RPH3A: variants seen among roughly 807,000 people sequenced by gnomAD.
The protein encoded by RPH3A is rabphilin-3A.
RPH3A carries 48 observed loss-of-function variants against 102.2 expected under a neutral mutation model. The observed-to-expected ratio is 0.47, with a 90% CI of 0.37 to 0.60. The LOEUF (loss-of-function observed/expected upper bound fraction) is 0.60. Ranked by LOEUF, RPH3A falls within the 20% of genes least tolerant of loss-of-function variation. RPH3A has a pLI of 0.00. For synonymous variants in RPH3A, 310 were observed against 324.3 expected, an observed-to-expected ratio of 0.96 and a Z score of 0.47; for missense variants, 781 against 910.1, an observed-to-expected ratio of 0.86 and a Z score of 1.83.
chr12:112,807,233 A>G (rs891992159), intron 2 of RPH3A, among the ~76,000 whole-genome samples: 1 of 152,152 alleles, frequency 6.6e-6, no homozygotes, highest in Non-Finnish European at 1.5e-5. Context: ...CAGGGTTCAC[A>G]TGAAGGCAAG....
intron 10 of RPH3A, 52 bp from the exon 11 acceptor site, chr12:112,875,032 T>C: frequency 1.1e-6 from 1 of 949,990 alleles, no homozygotes; most frequent in East Asian, 3.6e-5. Flanking sequence ...TCCTTCCTGC[T>C]GTGTGTGTGT....
chr12:112,800,125 G>A (rs559271320), intron 2 of RPH3A, among the ~76,000 whole-genome samples: 2 of 152,284 alleles, frequency 1.3e-5, no homozygotes, highest in African/African-American at 2.4e-5. Flanking sequence ...ACTCCAGACC[G>A]CGTGAAGTGC....
chr12:112,884,433 A>G (rs1302968531), intron 16 of RPH3A, among the ~76,000 whole-genome samples: 1 of 152,192 alleles, frequency 6.6e-6, no homozygotes, highest in African/African-American at 2.4e-5. Flanking sequence ...CTTCATAATT[A>G]TGTATCTATA....
intron 21 of RPH3A, 40 bp from the exon 22 acceptor site, chr12:112,896,610 A>G (rs1203135841): frequency 3.7e-6 from 6 of 1,612,964 alleles, no homozygotes; most frequent in Middle Eastern, 1.7e-4. Flanking sequence ...AACGACCTCT[A>G]TTCTGACCAC....
intron 1 of RPH3A, among the ~76,000 whole-genome samples, chr12:112,717,247 C>A (rs978175858): frequency 6.6e-6 from 1 of 152,178 alleles, no homozygotes; most frequent in East Asian, 1.9e-4. Context: ...TGCATAGTGA[C>A]GTAACCACTA....
At chr12:112,651,091 G>C (rs1044382855) in intron 1 of RPH3A, among the ~76,000 whole-genome samples, 1 of 151,534 alleles carries the variant, frequency 6.6e-6, no homozygotes, top group Admixed American at 6.6e-5. Flanking sequence ...CTGGTGTGGT[G>C]ACTCATGTCT....
At chr12:112,777,516 G>T (rs1719460825) in intron 1 of RPH3A, among the ~76,000 whole-genome samples, 1 of 152,220 alleles carries the variant, frequency 6.6e-6, no homozygotes, top group African/African-American at 2.4e-5. Flanking sequence ...TCTATTTAAA[G>T]AACACGTAGG....
At chr12:112,576,494 CA>C (rs1343508235) in intron 1 of RPH3A, among the ~76,000 whole-genome samples, 2 of 152,328 alleles carry the variant, frequency 1.3e-5, no homozygotes, top group Middle Eastern at 3.4e-3. Context: ...GCTGGTATTA[CA>C]AGCTTCAGCC....
intron 1 of RPH3A, among the ~76,000 whole-genome samples, chr12:112,600,339 T>C (rs1481837635): frequency 6.6e-6 from 1 of 152,198 alleles, no homozygotes; most frequent in Non-Finnish European, 1.5e-5. Flanking sequence ...AAATGGTTCA[T>C]TATTACCGAT....
chr12:112,869,600 C>A, intron 8 of RPH3A, 159 bp from the exon 9 acceptor site: 1 of 683,378 alleles, frequency 1.5e-6, no homozygotes, highest in South Asian at 2.0e-5. Context: ...AAATTGTAAA[C>A]AGGAGCTAGA....
chr12:112,865,719 C>T, intron 6 of RPH3A, 176 bp downstream of exon 6: 1 of 597,154 alleles, frequency 1.7e-6, no homozygotes, highest in Admixed American at 3.6e-5. Flanking sequence ...TCCAACGTAA[C>T]CCTGATCCTG....
chr12:112,624,726 T>A (rs2039759042), intron 1 of RPH3A, among the ~76,000 whole-genome samples: 1 of 120,056 alleles, frequency 8.3e-6, no homozygotes, highest in African/African-American at 3.4e-5. Context: ...ATCATTCTGA[T>A]ACCAAAGCCG....
intron 1 of RPH3A, among the ~76,000 whole-genome samples, chr12:112,614,118 C>A (rs1281783573): frequency 1.3e-5 from 2 of 152,148 alleles, no homozygotes; most frequent in Non-Finnish European, 2.9e-5. Context: ...CTAGAAGGAA[C>A]CAGCTCCCCT....
chr12:112,861,499 C>T (rs115777904), intron 5 of RPH3A, among the ~76,000 whole-genome samples: 133 of 152,282 alleles, frequency 8.7e-4, no homozygotes, highest in African/African-American at 2.7e-3. Flanking sequence ...AGGCGATCCC[C>T]GTGGCTGTAC....
At chr12:112,861,830 A>G (rs1327673877) in intron 5 of RPH3A, among the ~76,000 whole-genome samples, 3 of 152,030 alleles carry the variant, frequency 2.0e-5, no homozygotes, top group South Asian at 4.2e-4. Flanking sequence ...TGGGTAGCAC[A>G]GTGAAACCCC....
rs1241531492 is a variant in RPH3A, at chr12:112,868,446, G to T, written c.461G>T (p.Gly154Val). 1 of 1,613,970 alleles carries T rather than the reference G, an allele frequency of 6.2e-7. No homozygotes were observed. The highest frequency in any genetic ancestry group is 8.5e-7 in the Non-Finnish European group (1 of 1,180,002). ...IEQREVWKRS[G>V]AWFFKGFPKQ... ...CTCCCCAAGGTGTGGAAGCGTTCTG[G>T]AGCGTGGTTCTTCAAAGGCTTCCCC... is the stretch of plus-strand genomic sequence containing the variant. Residue 154 changes from glycine (G) to valine (V), a missense_variant, in exon 8 of 22, where the codon GGA becomes GTA. Around this residue, in one of 2 missense-constraint regions of RPH3A, gnomAD observed 730 missense variants for 810.0 expected, o/e 0.90. Transcript: ENST00000389385.
intron 1 of RPH3A, among the ~76,000 whole-genome samples, chr12:112,784,141 G>A (rs2041027845): frequency 6.6e-6 from 1 of 152,128 alleles, no homozygotes; most frequent in Non-Finnish European, 1.5e-5. Context: ...ATAAAGCTGG[G>A]GTGGCGGTGG....
intron 5 of RPH3A, among the ~76,000 whole-genome samples, chr12:112,848,741 G>A (rs2042273488): frequency 6.6e-6 from 1 of 152,130 alleles, no homozygotes. Context: ...GTGGAAGAGA[G>A]TGACAAAATC....
chr12:112,888,430 T>C (rs956549616), intron 17 of RPH3A, among the ~76,000 whole-genome samples: 1 of 152,242 alleles, frequency 6.6e-6, no homozygotes, highest in Non-Finnish European at 1.5e-5. Flanking sequence ...CTGTCAGTCA[T>C]GAAGTCAGAA....
Sources: allele counts gnomAD v4.1 joint callset (sites outside exome capture counted in the v4.1 genomes callset), GRCh38; gene constraint gnomAD v4.1.1; regional missense constraint gnomAD v4.1.1; transcripts MANE v1.5; gene names NCBI Gene and HGNC (gene_info 2026-07-23, HGNC 2026-07-21).